The following NCOR2 variants were observed in gnomAD, a reference collection of about 807,000 sequenced individuals.
NCOR2 encodes nuclear receptor corepressor 2.
In NCOR2, 81 loss-of-function variants were observed where a neutral mutation model predicts 262.9. The ratio of observed to expected loss-of-function variants is 0.31; its 90% CI spans 0.26 to 0.37. The LOEUF is 0.37. NCOR2 is among the 10% of genes least tolerant of loss of function. The pLI is 1.00. For synonymous variants in NCOR2, 1,659 were observed against 1,559.3 expected, an observed-to-expected ratio of 1.06 and a Z score of -1.51; for missense variants, 3,385 against 3,621.4, an observed-to-expected ratio of 0.93 and a Z score of 1.68.
intron 2 of NCOR2, among the ~76,000 whole-genome samples, chr12:124,485,010 C>T (rs2047701536): frequency 6.6e-6 from 1 of 152,202 alleles, no homozygotes; most frequent in African/African-American, 2.4e-5. Flanking sequence ...GGAGGGCCCT[C>T]AAGTCCTTGT....
At chr12:124,441,517 G>A (rs1358868029) in intron 7 of NCOR2, among the ~76,000 whole-genome samples, 5 of 152,182 alleles carry the variant, frequency 3.3e-5, no homozygotes, top group African/African-American at 9.7e-5. Context: ...ACAGAAAATC[G>A]TCATTAGAAC....
Position 124,504,892 on chromosome 12 carries a change from C to G in NCOR2, c.-117-9524G>C, listed in dbSNP as rs79428329. Among the ~76,000 whole-genome samples, 1 of 152,128 alleles carries G rather than the reference C, an allele frequency of 6.6e-6. No individual in the cohort carries two copies. Among genetic ancestry groups the G allele is most frequent in the South Asian group, 2.1e-4 (1 of 4,826 alleles). On this transcript the variant is annotated intron_variant, in intron 1 of 46. Transcript: ENST00000404621. The surrounding 1 kb of genome is among the most constrained non-coding windows in gnomAD (Gnocchi z 4.5). Reference sequence around the variant, plus strand: ...GTGGGGAGGGAGGAGAGGGGAGTGACGGTTTAATGGGTTTGGGGTTTCCTT... The same window carrying G: ...GTGGGGAGGGAGGAGAGGGGAGTGAGGGTTTAATGGGTTTGGGGTTTCCTT...
At chr12:124,411,774 G>C (rs759351823) in intron 13 of NCOR2, among the ~76,000 whole-genome samples, 1 of 152,232 alleles carries the variant, frequency 6.6e-6, no homozygotes, top group Non-Finnish European at 1.5e-5. Context: ...GGTGGTGATG[G>C]GGCTCGGAGC....
intron 19 of NCOR2, among the ~76,000 whole-genome samples, chr12:124,373,575 G>A (rs2463427): frequency 4.3e-4 from 31 of 71,748 alleles, no homozygotes; most frequent in South Asian, 1.1e-3. Context: ...GGCACAGTGG[G>A]CAGTGAGGCC....
chr12:124,469,773 A>G (rs1437015451), intron 4 of NCOR2, among the ~76,000 whole-genome samples: 1 of 152,218 alleles, frequency 6.6e-6, no homozygotes, highest in Non-Finnish European at 1.5e-5. Flanking sequence ...GTGACACGCT[A>G]TAAAGGGCTC....
intron 1 of NCOR2, among the ~76,000 whole-genome samples, chr12:124,500,644 C>A (rs2048649833): frequency 6.6e-6 from 1 of 152,208 alleles, no homozygotes; most frequent in Non-Finnish European, 1.5e-5. Flanking sequence ...GTCCTCTTCC[C>A]ACCTGGCCGG....
chr12:124,384,989 T>C (rs1161823062), intron 17 of NCOR2, among the ~76,000 whole-genome samples: 2 of 151,270 alleles, frequency 1.3e-5, no homozygotes, highest in Non-Finnish European at 2.9e-5. Context: ...TTTCCCCAGC[T>C]CCAAAAAGGG....
intron 1 of NCOR2, among the ~76,000 whole-genome samples, chr12:124,490,835 G>A (rs994475333): frequency 6.6e-6 from 1 of 152,260 alleles, no homozygotes; most frequent in Non-Finnish European, 1.5e-5. Flanking sequence ...GACCTCTGGG[G>A]TTGGCGTGAC....
chr12:124,501,050 GCGCGCACGCGCGCA>G (rs1180719834), intron 1 of NCOR2, among the ~76,000 whole-genome samples: 11 of 30,528 alleles, frequency 3.6e-4, no homozygotes, highest in African/African-American at 1.1e-3. Flanking sequence ...GCACGAGCGC[GCGCGCACGCGCGCA>G]CACACACACA....
chr12:124,419,014 A>G (rs138358495), intron 13 of NCOR2, among the ~76,000 whole-genome samples: 1 of 152,008 alleles, frequency 6.6e-6, no homozygotes, highest in African/African-American at 2.4e-5. Flanking sequence ...AGCAGCTGCC[A>G]GAGTGCCCAC....
At chr12:124,494,668 G>A (rs1263763837) in intron 1 of NCOR2, among the ~76,000 whole-genome samples, 1 of 152,162 alleles carries the variant, frequency 6.6e-6, no homozygotes, top group Non-Finnish European at 1.5e-5. Flanking sequence ...ACCTGTGTGG[G>A]GCCTCCTCAC....
At chr12:124,334,193 T>C (rs2035663986) in intron 41 of NCOR2, among the ~76,000 whole-genome samples, 1 of 152,176 alleles carries the variant, frequency 6.6e-6, no homozygotes, top group Non-Finnish European at 1.5e-5. Context: ...GTGTAAAGGG[T>C]ACACGTGAGT....
intron 8 of NCOR2, among the ~76,000 whole-genome samples, chr12:124,431,399 G>C (rs1195488013): frequency 6.7e-6 from 1 of 149,792 alleles, no homozygotes; most frequent in Non-Finnish European, 1.5e-5. Context: ...CACACAGACA[G>C]ATACACAGGC....
At position 124,378,151 on chromosome 12, in the gene NCOR2, G is replaced by A. The variant is rs1244050; in HGVS notation, c.2167+86C>T. 0.055 allele frequency: 85,390 copies of A among 1,542,262 alleles called. 4,206 individuals are homozygous for A. The highest frequency in any genetic ancestry group is 0.3 in the East Asian group (13,397 of 44,200). ...GACCCAGATGACTCAGGGGAGAGGA[G>A]GCTGCCGGGATCAGTTCCCGCTATG... On this transcript the variant is annotated intron_variant, in intron 18 of 46. Transcript: ENST00000405201. This position sits in a 1 kb window ranked among gnomAD's most constrained non-coding sequence, Gnocchi z 4.2.
chr12:124,393,737 T>C (rs2041472586), intron 16 of NCOR2, among the ~76,000 whole-genome samples: 1 of 152,254 alleles, frequency 6.6e-6, no homozygotes, highest in African/African-American at 2.4e-5. Context: ...GGCTGCTCAC[T>C]AAGCCTCTCT....
intron 3 of NCOR2, among the ~76,000 whole-genome samples, chr12:124,479,577 G>A (rs1383336736): frequency 3.3e-5 from 5 of 151,990 alleles, no homozygotes; most frequent in Non-Finnish European, 5.9e-5. Flanking sequence ...ACGCACGCGC[G>A]CGCGCATGCA....
At chr12:124,421,883 T>C (rs924716229) in intron 12 of NCOR2, among the ~76,000 whole-genome samples, 1 of 152,210 alleles carries the variant, frequency 6.6e-6, no homozygotes, top group Non-Finnish European at 1.5e-5. Context: ...GGACACTTTG[T>C]GTCTACCGGC....
At chr12:124,325,702 G>T in intron 46 of NCOR2, 119 bp from the exon 49 acceptor site, 2 of 637,874 alleles carry the variant, frequency 3.1e-6, no homozygotes, top group South Asian at 7.2e-5. Flanking sequence ...AGTCCTCCCA[G>T]ACCTTTCTAA....
chr12:124,426,726 C>G, exon 11 of NCOR2: 1 of 1,610,962 alleles, frequency 6.2e-7, no homozygotes, highest in Non-Finnish European at 8.5e-7. Flanking sequence ...TGTTGATGAA[C>G]TTGATGCGCT....
Sources: allele counts gnomAD v4.1 joint callset (sites outside exome capture counted in the v4.1 genomes callset), GRCh38; gene constraint gnomAD v4.1.1; non-coding constraint Gnocchi (gnomAD v3.1); transcripts MANE v1.5; gene names NCBI Gene and HGNC (gene_info 2026-07-23, HGNC 2026-07-21).